Variants in HYDIN observed in about 807,000 individuals in gnomAD.
HYDIN encodes the protein HYDIN axonemal central pair apparatus protein, also known as axonemal central pair apparatus protein HYDIN.
HYDIN carries 132 observed loss-of-function variants against 403.9 expected under a neutral mutation model. The ratio of observed to expected loss-of-function variants is 0.33; its 90% CI spans 0.28 to 0.38. HYDIN has a LOEUF of 0.38. Among genes scored for constraint, HYDIN ranks in the 10% least tolerant of loss-of-function variants. The pLI, the probability that HYDIN is intolerant of heterozygous loss-of-function variation, is 1.00. For synonymous variants in HYDIN, 1,202 were observed against 1,891.7 expected, an observed-to-expected ratio of 0.64 and a Z score of 9.46; for missense variants, 2,827 against 5,009.5, an observed-to-expected ratio of 0.56 and a Z score of 13.15.
intron 10 of HYDIN, among the ~76,000 whole-genome samples, chr16:71,110,347 G>A (rs1428729137): frequency 4.4e-5 from 6 of 135,352 alleles, no homozygotes; most frequent in Admixed American, 2.3e-4. Context: ...TATATTTATA[G>A]ATATTTTATA....
At chr16:71,085,779 T>C (rs989250779) in intron 12 of HYDIN, among the ~76,000 whole-genome samples, 2 of 152,246 alleles carry the variant, frequency 1.3e-5, no homozygotes, top group Non-Finnish European at 2.9e-5. Flanking sequence ...TCTCCAGCTT[T>C]CTTTTGGTAC....
intron 7 of HYDIN, among the ~76,000 whole-genome samples, chr16:71,139,095 G>GAAAAAAAAA (rs71758936): frequency 4.8e-5 from 5 of 103,810 alleles, no homozygotes; most frequent in Non-Finnish European, 5.4e-5. Flanking sequence ...AAATAAAGAA[G>GAAAAAAAAA]AAAAAAAAAA....
In HYDIN at chr16:70,806,963, G is replaced by A. The variant is rs1596998958; in HGVS notation, c.*617C>T. On this transcript the variant is annotated 3_prime_UTR_variant, in exon 86 of 86. Coordinates refer to ENST00000393567, the MANE Select transcript of HYDIN (RefSeq NM_001270974.2). ...GTGGGGGGAGCTGGGATCTCTATTA[G>A]CCTTTCTCCAGGGCCTAGACTTCAG... Among the ~76,000 whole-genome samples the A allele has an allele frequency of 6.6e-6, 1 of 152,252 alleles. No individual in the cohort carries two copies. Among genetic ancestry groups the A allele is most frequent in the East Asian group, 1.9e-4 (1 of 5,166 alleles).
intron 54 of HYDIN, 66 bp downstream of exon 54, chr16:70,895,915 A>G: frequency 6.7e-7 from 1 of 1,501,974 alleles, no homozygotes; most frequent in Non-Finnish European, 8.9e-7. Context: ...GCCTTTCTCT[A>G]CACAGAAATA....
At chr16:71,153,823 TTTAA>T (rs1216249081) in intron 6 of HYDIN, among the ~76,000 whole-genome samples, 1 of 151,644 alleles carries the variant, frequency 6.6e-6, no homozygotes, top group Non-Finnish European at 1.5e-5. Flanking sequence ...CAGGAAATAG[TTTAA>T]TTGTTTTGGA....
At chr16:70,988,745 A>AGTGTGG in intron 25 of HYDIN, among the ~76,000 whole-genome samples, 1 of 131,628 alleles carries the variant, frequency 7.6e-6, no homozygotes, top group Non-Finnish European at 1.5e-5. Flanking sequence ...CTTTAAATGA[A>AGTGTGG]GTGTGTGTGG....
intron 14 of HYDIN, 136 bp downstream of exon 14, chr16:71,069,131 C>T: frequency 1.3e-6 from 1 of 770,312 alleles, no homozygotes; most frequent in Non-Finnish European, 2.1e-6. Context: ...CTTATAGGCC[C>T]ACGTTTCCCT....
At chr16:71,203,452 T>C (rs546079274) in intron 1 of HYDIN, among the ~76,000 whole-genome samples, 23 of 152,342 alleles carry the variant, frequency 1.5e-4, no homozygotes, top group African/African-American at 5.5e-4. Flanking sequence ...ATAACCACTA[T>C]GCAATGGTAT....
chr16:71,168,871 A>G (rs1455822547), intron 5 of HYDIN, among the ~76,000 whole-genome samples: 1 of 152,252 alleles, frequency 6.6e-6, no homozygotes, highest in African/African-American at 2.4e-5. Flanking sequence ...GAAATGTCCA[A>G]TCAAAATTTG....
At chr16:71,094,392 T>C (rs1467806719) in intron 10 of HYDIN, among the ~76,000 whole-genome samples, 2 of 152,124 alleles carry the variant, frequency 1.3e-5, no homozygotes, top group Non-Finnish European at 2.9e-5. Flanking sequence ...GCTGTATTTA[T>C]AAAGGAATAG....
intron 18 of HYDIN, among the ~76,000 whole-genome samples, chr16:71,034,242 T>G (rs1478169844): frequency 6.6e-6 from 1 of 152,148 alleles, no homozygotes; most frequent in Non-Finnish European, 1.5e-5. Context: ...TATGATATAC[T>G]TCTTCTAGCA....
intron 7 of HYDIN, among the ~76,000 whole-genome samples, chr16:71,151,161 TC>T (rs1354985370): frequency 6.6e-6 from 1 of 152,226 alleles, no homozygotes; most frequent in Non-Finnish European, 1.5e-5. Context: ...CTTTCAGCCT[TC>T]TACCCTTTGG....
At chr16:70,965,895 G>C (rs1443306636) in intron 36 of HYDIN, among the ~76,000 whole-genome samples, 1 of 152,178 alleles carries the variant, frequency 6.6e-6, no homozygotes, top group Non-Finnish European at 1.5e-5. Context: ...AATAGACAGA[G>C]TGGCAATGAT....
At chr16:71,024,339 C>T (rs796866461) in intron 21 of HYDIN, among the ~76,000 whole-genome samples, 2 of 152,212 alleles carry the variant, frequency 1.3e-5, no homozygotes, top group Non-Finnish European at 2.9e-5. Flanking sequence ...TTCTCTCCCC[C>T]TCCCTTGTCA....
At chr16:71,199,527 T>G (rs940548152) in intron 1 of HYDIN, among the ~76,000 whole-genome samples, 3 of 152,234 alleles carry the variant, frequency 2.0e-5, no homozygotes, top group African/African-American at 7.2e-5. Flanking sequence ...AATTTTGGGG[T>G]TCACCTCCCT....
At chr16:71,023,035 A>G (rs1882319221) in intron 21 of HYDIN, among the ~76,000 whole-genome samples, 2 of 152,116 alleles carry the variant, frequency 1.3e-5, no homozygotes, top group Non-Finnish European at 2.9e-5. Context: ...CAGAATAGCT[A>G]TTCAATAAAT....
intron 3 of HYDIN, among the ~76,000 whole-genome samples, chr16:71,184,251 A>C (rs1462374451): frequency 2.0e-5 from 3 of 152,132 alleles, no homozygotes; most frequent in Non-Finnish European, 4.4e-5. Context: ...CAGCAGCCCA[A>C]CTATTGGAGG....
chr16:71,174,659 C>T (rs572353134), intron 5 of HYDIN, among the ~76,000 whole-genome samples: 94 of 152,218 alleles, frequency 6.2e-4, no homozygotes, highest in Admixed American at 2.2e-3. Context: ...CCTCAGGCCC[C>T]CATACCTGCT....
At chr16:70,952,872 TA>T (rs1359965389) in intron 40 of HYDIN, among the ~76,000 whole-genome samples, 1 of 148,662 alleles carries the variant, frequency 6.7e-6, no homozygotes, top group African/African-American at 2.5e-5. Context: ...TAAAAATTGC[TA>T]CTGTGTTATT....
Sources: gnomAD v4.1 joint callset for allele counts (sites outside exome capture counted in the v4.1 genomes callset) on GRCh38, gnomAD v4.1.1 for gene constraint, MANE v1.5 for transcripts, NCBI Gene and HGNC (gene_info 2026-07-23, HGNC 2026-07-21) for gene names.